Variants in SMG6 observed in about 807,000 individuals in gnomAD.
SMG6 encodes the protein SMG6 nonsense mediated mRNA decay factor, also known as telomerase-binding protein EST1A.
SMG6 carries 66 observed loss-of-function variants against 142.2 expected under a neutral mutation model. The ratio of observed to expected loss-of-function variants is 0.46; its 90% CI spans 0.38 to 0.57. The LOEUF is 0.57. Among genes scored for constraint, SMG6 ranks in the 20% least tolerant of loss-of-function variants. The pLI is 0.00. For synonymous variants in SMG6, 779 were observed against 702.4 expected, an observed-to-expected ratio of 1.11 and a Z score of -1.72; for missense variants, 1,793 against 1,832.0, an observed-to-expected ratio of 0.98 and a Z score of 0.39.
At chr17:2,153,292 T>C (rs1223072701) in intron 13 of SMG6, among the ~76,000 whole-genome samples, 1 of 152,202 alleles carries the variant, frequency 6.6e-6, no homozygotes, top group East Asian at 1.9e-4. Flanking sequence ...ATGTACTGTA[T>C]GATTTTATTT....
In SMG6 at chr17:2,129,793, CAAAAAAAAAAAAAA is replaced by C. The variant is rs57556112; in HGVS notation, c.3357+42851_3357+42864del. 1.6e-3 allele frequency among the ~76,000 whole-genome samples: 91 copies of C among 56,336 alleles called. 1 individual carries two copies. Among genetic ancestry groups the C allele is most frequent in the Non-Finnish European group, 2.6e-3 (79 of 30,450 alleles). 37.0% of individuals were successfully genotyped at this position (56,336 alleles called of 152,430 possible). A position where few individuals can be genotyped will look rare whatever the true frequency, so the allele number is the denominator to read the frequency against. On this transcript the variant is annotated intron_variant, in intron 13 of 18. Coordinates refer to ENST00000263073, the MANE Select transcript of SMG6 (RefSeq NM_017575.5). Reference sequence around the variant, plus strand: ...TGGGTGACAGAGCAAGGCTCTGTCTCAAAAAAAAAAAAAAAAAAAAAAAAAAAAGAAATCCATGA... The same window carrying C: ...TGGGTGACAGAGCAAGGCTCTGTCTCAAAAAAAAAAAAAAGAAATCCATGA...
In SMG6 at chr17:2,155,128, C is replaced by T. The variant is rs1305344967; in HGVS notation, c.3357+17530G>A. On this transcript the variant is annotated intron_variant, in intron 13 of 18. Transcript: ENST00000263073. ...AGTGCAGTGGTGGGATCTCAGCTCA[C>T]TGCAACCTCCACCTTGCTGGTTCAA... Among the ~76,000 whole-genome samples the T allele has an allele frequency of 2.6e-5, 4 of 151,766 alleles. No individual in the cohort carries two copies. The South Asian group carries it at 6.2e-4, about 24-fold the overall frequency.
At chr17:2,176,908 C>T (rs1345349490) in intron 12 of SMG6, among the ~76,000 whole-genome samples, 1 of 152,196 alleles carries the variant, frequency 6.6e-6, no homozygotes, top group Non-Finnish European at 1.5e-5. Flanking sequence ...AGTTAATTTA[C>T]TTTTTATTGC....
chr17:2,135,706 T>C (rs1049039823), intron 13 of SMG6, among the ~76,000 whole-genome samples: 4 of 152,256 alleles, frequency 2.6e-5, no homozygotes, highest in Non-Finnish European at 4.4e-5. Flanking sequence ...ACTGATTGAT[T>C]GAAACAGTGT....
At chr17:2,282,390 C>CAA (rs576759563) in intron 8 of SMG6, among the ~76,000 whole-genome samples, 1,006 of 84,436 alleles carry the variant, frequency 0.012, 20 homozygotes, top group African/African-American at 0.037. Flanking sequence ...CAAAAAGCAG[C>CAA]AAAAAAAAAA....
At chr17:2,150,497 G>A (rs1156297631) in intron 13 of SMG6, among the ~76,000 whole-genome samples, 3 of 152,046 alleles carry the variant, frequency 2.0e-5, no homozygotes, top group East Asian at 1.9e-4. Flanking sequence ...TCGCCTCTAG[G>A]TGGTTATGTC....
chr17:2,134,865 TAA>T lies in SMG6; in HGVS notation c.3357+37791_3357+37792del, dbSNP rs566258335. On this transcript the variant is annotated intron_variant, in intron 13 of 18. Transcript: ENST00000263073. ...CCCTGTCATCATCCCAGACCTTTTTTAAAAAGTTTTATTTTAATTTATTTTTT... is the reference window on the plus strand; with the variant it reads ...CCCTGTCATCATCCCAGACCTTTTTTAAAGTTTTATTTTAATTTATTTTTT... Among the ~76,000 whole-genome samples, 93 of 135,578 alleles carry T rather than the reference TAA, an allele frequency of 6.9e-4. 1 individual carries two copies. The highest frequency in any genetic ancestry group is 2.5e-3 in the African/African-American group (86 of 34,260). 88.9% of individuals were successfully genotyped at this position (135,578 alleles called of 152,430 possible).
At chr17:2,166,758 C>G (rs2071350136) in intron 13 of SMG6, among the ~76,000 whole-genome samples, 1 of 152,306 alleles carries the variant, frequency 6.6e-6, no homozygotes, top group South Asian at 2.1e-4. Flanking sequence ...TGCTCCTGAC[C>G]TTCAACTGAA....
intron 3 of SMG6, 24 bp downstream of exon 3, chr17:2,297,839 G>A (rs2075177587): frequency 1.9e-6 from 3 of 1,601,290 alleles, no homozygotes; most frequent in Middle Eastern, 1.7e-4. Flanking sequence ...CCTTTATCCT[G>A]AGGACAAAAA....
chr17:2,102,554 T>G, intron 13 of SMG6, among the ~76,000 whole-genome samples: 1 of 143,252 alleles, frequency 7.0e-6, no homozygotes, highest in South Asian at 2.2e-4. Context: ...TTTTTTTTTT[T>G]AGAGATGAGG....
At chr17:2,252,020 G>T (rs1226113798) in intron 8 of SMG6, among the ~76,000 whole-genome samples, 3 of 152,070 alleles carry the variant, frequency 2.0e-5, no homozygotes, top group Admixed American at 6.5e-5. Flanking sequence ...AGAATCGCTT[G>T]AACCAGGAGA....
chr17:2,223,282 C>T (rs919411973), intron 10 of SMG6, among the ~76,000 whole-genome samples: 5 of 152,204 alleles, frequency 3.3e-5, no homozygotes, highest in African/African-American at 9.7e-5. Context: ...AAATTCCCTG[C>T]AGCGTGTCAA....
intron 13 of SMG6, among the ~76,000 whole-genome samples, chr17:2,138,654 CTAAGAA>C (rs2070380668): frequency 6.6e-6 from 1 of 152,166 alleles, no homozygotes; most frequent in Non-Finnish European, 1.5e-5. Context: ...CAAGGAAACT[CTAAGAA>C]TAAGAATGGA....
At chr17:2,281,684 T>C (rs568663195) in intron 8 of SMG6, among the ~76,000 whole-genome samples, 2 of 152,316 alleles carry the variant, frequency 1.3e-5, no homozygotes, top group Non-Finnish European at 2.9e-5. Flanking sequence ...ATTTAAAGCA[T>C]CCAATAGCTT....
intron 13 of SMG6, among the ~76,000 whole-genome samples, chr17:2,100,828 T>A (rs1473231451): frequency 5.9e-5 from 9 of 151,962 alleles, no homozygotes; most frequent in Non-Finnish European, 8.8e-5. Context: ...ATTACAGGTG[T>A]GAGCCACAGC....
At chr17:2,147,273 A>C (rs1343207162) in intron 13 of SMG6, among the ~76,000 whole-genome samples, 1 of 152,130 alleles carries the variant, frequency 6.6e-6, no homozygotes. Flanking sequence ...GGTGACTGTA[A>C]TCCCAGCTAC....
At chr17:2,073,957 T>TA (rs1216537207) in intron 15 of SMG6, among the ~76,000 whole-genome samples, 12 of 151,472 alleles carry the variant, frequency 7.9e-5, no homozygotes, top group Middle Eastern at 3.4e-3. Flanking sequence ...CACATGCCTG[T>TA]AGTCCCAGCT....
intron 10 of SMG6, 119 bp downstream of exon 10, chr17:2,236,373 G>GT: frequency 1.1e-6 from 1 of 894,124 alleles, no homozygotes. Context: ...AGGGTAGGGT[G>GT]TGTGTGTTCG....
rs897509060 is a variant in SMG6, at chr17:2,130,152, C to T, written c.3357+42506G>A. 4.0e-4 allele frequency among the ~76,000 whole-genome samples: 60 copies of T among 149,982 alleles called. 1 individual carries two copies. The highest frequency in any genetic ancestry group is 5.3e-4 in the Non-Finnish European group (36 of 67,574). On this transcript the variant is annotated intron_variant, in intron 13 of 18. Coordinates refer to ENST00000263073, the MANE Select transcript of SMG6 (RefSeq NM_017575.5). Reference sequence around the variant, plus strand: ...GCGGGCGCCTGTAGTCCCAGCTACTCGGGAGGCTGAGGCAGGAGAATGGCG... The same window carrying T: ...GCGGGCGCCTGTAGTCCCAGCTACTTGGGAGGCTGAGGCAGGAGAATGGCG...
Sources: allele counts gnomAD v4.1 joint callset (sites outside exome capture counted in the v4.1 genomes callset), GRCh38; gene constraint gnomAD v4.1.1; transcripts MANE v1.5; gene names NCBI Gene and HGNC (gene_info 2026-07-23, HGNC 2026-07-21).